Variants in AGBL1 observed in about 807,000 individuals in gnomAD.
AGBL1 encodes AGBL carboxypeptidase 1, also known as cytosolic carboxypeptidase 4.
Under a neutral mutation model 118.9 loss-of-function variants are expected in AGBL1, and 130 were observed. The observed-to-expected ratio is 1.09, with a 90% CI of 0.95 to 1.26. AGBL1 has a LOEUF of 1.26. Among genes scored for constraint, AGBL1 ranks in the 50% most tolerant of loss-of-function variants. The pLI is 0.00. For missense variants in AGBL1, 1,584 were observed against 1,298.1 expected, an observed-to-expected ratio of 1.22 and a Z score of -3.38; for synonymous variants, 555 against 478.9, an observed-to-expected ratio of 1.16 and a Z score of -2.08.
chr15:86,729,744 A>G (rs773714781), intron 22 of AGBL1, among the ~76,000 whole-genome samples: 1 of 152,178 alleles, frequency 6.6e-6, no homozygotes, highest in South Asian at 2.1e-4. Flanking sequence ...ATATGAGTGC[A>G]TGTGTCCTTT....
At chr15:86,799,857 G>A (rs549663298) in intron 22 of AGBL1, among the ~76,000 whole-genome samples, 2 of 152,078 alleles carry the variant, frequency 1.3e-5, no homozygotes, top group Non-Finnish European at 2.9e-5. Flanking sequence ...TCATCAAAAA[G>A]TTCAAAGATT....
intron 16 of AGBL1, among the ~76,000 whole-genome samples, chr15:86,288,654 A>G (rs1307086685): frequency 2.0e-5 from 3 of 152,166 alleles, no homozygotes; most frequent in South Asian, 4.1e-4. Flanking sequence ...TTATTGCTAC[A>G]GTTCCATGAA....
chr15:86,535,266 T>C (rs866719852), intron 19 of AGBL1, among the ~76,000 whole-genome samples: 1 of 152,162 alleles, frequency 6.6e-6, no homozygotes, highest in Admixed American at 6.5e-5. Flanking sequence ...AGCTCTACAA[T>C]CAGCTAGCAG....
At chr15:86,185,725 G>A (rs531931380) in intron 5 of AGBL1, among the ~76,000 whole-genome samples, 3 of 149,328 alleles carry the variant, frequency 2.0e-5, no homozygotes, top group Non-Finnish European at 3.0e-5. Context: ...TTGGACACAC[G>A]AAGGGGAACA....
downstream of AGBL1, among the ~76,000 whole-genome samples, chr15:87,031,212 G>A (rs2081779258): frequency 6.6e-6 from 1 of 151,898 alleles, no homozygotes; most frequent in Non-Finnish European, 1.5e-5. Flanking sequence ...CTGATATTTT[G>A]TCTCATTTTT....
At chr15:86,265,892 G>A (rs1427347808) in intron 11 of AGBL1, among the ~76,000 whole-genome samples, 2 of 152,130 alleles carry the variant, frequency 1.3e-5, no homozygotes, top group Non-Finnish European at 1.5e-5. Flanking sequence ...GTGTTTCTTA[G>A]AAGATTGACC....
rs561118639 is a variant in AGBL1 at position 86,100,630 on chromosome 15, C to T, written c.51+20607C>T. The stretch of plus-strand genomic sequence containing the variant: ...CCAGGAATTTATCCCTTTTCTCTAG[C>T]TTCTTCAGTTTCTTGCTGCATAGTT... On this transcript the variant is annotated intron_variant, in intron 1 of 22. Transcript: ENST00000614907. Among the ~76,000 whole-genome samples, 28 of 152,126 alleles carry T rather than the reference C, an allele frequency of 1.8e-4. 1 individual carries two copies. The South Asian group carries it at 5.4e-3, about 29-fold the overall frequency.
chr15:86,798,317 T>C (rs550432163), intron 22 of AGBL1, among the ~76,000 whole-genome samples: 13 of 152,262 alleles, frequency 8.5e-5, no homozygotes, highest in Non-Finnish European at 1.8e-4. Context: ...TCTCCAGCAT[T>C]AAGTGAGCTG....
chr15:86,382,533 C>T lies in AGBL1; in HGVS notation c.2375-14833C>T, dbSNP rs763323892. 1.5e-4 allele frequency among the ~76,000 whole-genome samples: 23 copies of T among 152,040 alleles called. 1 individual carries two copies. Among genetic ancestry groups the T allele is most frequent in the South Asian group, 1.5e-3 (7 of 4,810 alleles). The stretch of plus-strand genomic sequence containing the variant: ...AATTCTAAAGGTGAATACATTTAAA[C>T]GGCTTAAACGTAAAAGGCCGGTTGC... On this transcript the variant is annotated intron_variant, in intron 17 of 22. Transcript: ENST00000614907.
At chr15:86,516,337 G>C (rs1385357328) in intron 18 of AGBL1, among the ~76,000 whole-genome samples, 3 of 152,184 alleles carry the variant, frequency 2.0e-5, no homozygotes, top group African/African-American at 7.2e-5. Context: ...GCAGTTCCCA[G>C]CTTGACTTTT....
At chr15:86,388,653 A>G (rs538547610) in intron 17 of AGBL1, among the ~76,000 whole-genome samples, 19 of 152,300 alleles carry the variant, frequency 1.2e-4, no homozygotes, top group African/African-American at 4.1e-4. Context: ...TTTTGTCTCA[A>G]TAAGATTCAT....
chr15:86,674,432 C>A lies in AGBL1; in HGVS notation c.3154C>A (p.Gln1052Lys), dbSNP rs2085801591. Residue 1052 changes from glutamine (Q) to lysine (K), a missense_variant, in exon 22 of 23, where the codon CAA (glutamine) becomes AAA (lysine). Coordinates refer to ENST00000614907, the MANE Select transcript of AGBL1 (RefSeq NM_001386094.1). Reference sequence around the variant, plus strand: ...GGAGGACGCTCTGGACCAGCACCTCCAACGGTAAGATGCTCCCAAGGGCTC... The same window carrying A: ...GGAGGACGCTCTGGACCAGCACCTCAAACGGTAAGATGCTCCCAAGGGCTC... ...AEEDALDQHL[Q>K]RCSSSSGSVP... 2.5e-6 allele frequency: 4 copies of A among 1,604,660 alleles called. No homozygotes were observed. In the East Asian group the frequency reaches 9.0e-5, roughly 36 times the overall value.
intron 19 of AGBL1, among the ~76,000 whole-genome samples, chr15:86,528,260 G>A (rs534385264): frequency 1.8e-4 from 27 of 152,302 alleles, no homozygotes; most frequent in South Asian, 6.2e-4. Context: ...CGCACCGGGC[G>A]CGAACCGAAG....
intron 21 of AGBL1, among the ~76,000 whole-genome samples, chr15:86,629,739 C>G (rs2084936968): frequency 6.7e-6 from 1 of 148,874 alleles, no homozygotes; most frequent in African/African-American, 2.5e-5. Context: ...GCCAAAGAAA[C>G]AGGAAAAAAA....
chr15:86,108,813 C>T (rs958842190), intron 1 of AGBL1, among the ~76,000 whole-genome samples: 3 of 152,114 alleles, frequency 2.0e-5, no homozygotes, highest in African/African-American at 7.2e-5. Flanking sequence ...AAAAATTAGC[C>T]AGGCGTGGTG....
chr15:86,824,615 C>T (rs994445635), intron 22 of AGBL1, among the ~76,000 whole-genome samples: 1 of 151,642 alleles, frequency 6.6e-6, no homozygotes, highest in Non-Finnish European at 1.5e-5. Context: ...GATACATATC[C>T]TAGAGTAGCT....
intron 18 of AGBL1, among the ~76,000 whole-genome samples, chr15:86,428,750 T>A (rs1055916657): frequency 6.6e-6 from 1 of 152,222 alleles, no homozygotes; most frequent in African/African-American, 2.4e-5. Flanking sequence ...GTACCTTGGA[T>A]TTCTACCTTC....
intron 21 of AGBL1, among the ~76,000 whole-genome samples, chr15:86,609,034 G>A (rs542115588): frequency 6.6e-6 from 1 of 152,128 alleles, no homozygotes; most frequent in East Asian, 1.9e-4. Flanking sequence ...TTTAAAGTAC[G>A]TGACTTTTTT....
chr15:86,859,635 A>G (rs2079533025), intron 22 of AGBL1, among the ~76,000 whole-genome samples: 1 of 152,160 alleles, frequency 6.6e-6, no homozygotes, highest in Non-Finnish European at 1.5e-5. Flanking sequence ...GGTGCCGAGA[A>G]CACACGGCTT....
Sources: allele counts gnomAD v4.1 joint callset (sites outside exome capture counted in the v4.1 genomes callset), GRCh38; gene constraint gnomAD v4.1.1; transcripts MANE v1.5; gene names NCBI Gene and HGNC (gene_info 2026-07-23, HGNC 2026-07-21).